WSB1: variants seen among roughly 807,000 people sequenced by gnomAD.
The protein encoded by WSB1 is WD repeat and SOCS box-containing protein 1.
A neutral mutation model predicts 50.2 loss-of-function variants in WSB1; 23 were observed. The ratio of observed to expected loss-of-function variants is 0.46; its 90% CI spans 0.33 to 0.65. The LOEUF (loss-of-function observed/expected upper bound fraction) is 0.65, where lower values mean the gene tolerates loss of function less well. Among genes scored for constraint, WSB1 ranks in the 30% least tolerant of loss-of-function variants. The pLI, the probability that WSB1 is intolerant of heterozygous loss-of-function variation, is 0.02. For synonymous variants in WSB1, 179 were observed against 172.0 expected, an observed-to-expected ratio of 1.04 and a Z score of -0.32; for missense variants, 492 against 522.3, an observed-to-expected ratio of 0.94 and a Z score of 0.56.
chr17:27,301,494 T>G (rs2017227131), intron 1 of WSB1, among the ~76,000 whole-genome samples: 1 of 152,226 alleles, frequency 6.6e-6, no homozygotes, highest in African/African-American at 2.4e-5. Context: ...TTGTAATTGT[T>G]AGGTCTAATT....
At chr17:27,304,143 A>G (rs1384264447) in intron 3 of WSB1, among the ~76,000 whole-genome samples, 14 of 152,230 alleles carry the variant, frequency 9.2e-5, no homozygotes, top group African/African-American at 3.1e-4. Flanking sequence ...ACTCAAAAAC[A>G]TAAAGGATTT....
At chr17:27,300,458 G>A (rs886269496) in intron 1 of WSB1, among the ~76,000 whole-genome samples, 2 of 152,100 alleles carry the variant, frequency 1.3e-5, no homozygotes, top group African/African-American at 2.4e-5. Context: ...GTATGAGCTT[G>A]TTGATCATGC....
chr17:27,301,913 C>T lies in WSB1; in HGVS notation c.166C>T (p.Arg56Cys), dbSNP rs753717020. The T allele has an allele frequency of 9.9e-6, 16 of 1,610,736 alleles. No homozygotes were observed. The highest frequency in any genetic ancestry group is 9.3e-6 in the Non-Finnish European group (11 of 1,178,752). ...ATACTTTGCTTGGTCACAAGGACAT[C>T]GCACAGTAAAGCTTGTTCCGTGGTC... ...GSYFAWSQGH[R>C]TVKLVPWSQC... The change falls in exon 2 of 9, where the codon CGC becomes TGC. Residue 56 changes from arginine (R) to cysteine (C), a missense_variant. Transcript: ENST00000262394.
chr17:27,310,268 TTCC>T, intron 7 of WSB1, 94 bp downstream of exon 7: 1 of 1,086,508 alleles, frequency 9.2e-7, no homozygotes, highest in Non-Finnish European at 1.4e-6. Context: ...TTAATGTCTC[TTCC>T]TCAACACAAG....
In WSB1 at chr17:27,310,191, T is replaced by TA. The variant is rs757333921; in HGVS notation, c.998+18dup. The TA allele has an allele frequency of 2.5e-5, 40 of 1,606,370 alleles. No homozygotes were observed. The highest frequency in any genetic ancestry group is 3.3e-5 in the Non-Finnish European group (39 of 1,173,330). On this transcript the variant is annotated intron_variant, in intron 7 of 8. Transcript: ENST00000262394. Reference sequence around the variant, plus strand: ...TGATGATAAGTAAGTATGTGCATTATAGCTTGACTGACTTACTATTACCTT... The same window carrying TA: ...TGATGATAAGTAAGTATGTGCATTATAAGCTTGACTGACTTACTATTACCTT...
At chr17:27,310,195 TTGACTGACTTACTA>T (rs1440999023) in intron 7 of WSB1, 21 bp downstream of exon 7, 1 of 1,603,240 alleles carries the variant, frequency 6.2e-7, no homozygotes, top group Non-Finnish European at 8.5e-7. Context: ...GCATTATAGC[TTGACTGACTTACTA>T]TTACCTTTTA....
intron 1 of WSB1, among the ~76,000 whole-genome samples, chr17:27,295,504 G>A (rs1453105997): frequency 6.6e-6 from 1 of 151,412 alleles, no homozygotes; most frequent in Non-Finnish European, 1.5e-5. Flanking sequence ...GATTAGGAAG[G>A]GACTTTAACC....
intron 2 of WSB1, 68 bp from the exon 3 acceptor site, chr17:27,303,299 T>G: frequency 6.6e-7 from 1 of 1,503,772 alleles, no homozygotes; most frequent in Non-Finnish European, 9.0e-7. Context: ...ACACTTGTAA[T>G]TATTCAATGT....
intron 5 of WSB1, chr17:27,308,532 T>C (rs2017548034): frequency 1.0e-6 from 1 of 985,712 alleles, no homozygotes; most frequent in Non-Finnish European, 1.2e-6. Context: ...TTAACATCCT[T>C]GTTGTTTGCC....
intron 2 of WSB1, among the ~76,000 whole-genome samples, chr17:27,302,213 C>A (rs1328401254): frequency 1.3e-5 from 2 of 152,014 alleles, no homozygotes; most frequent in Non-Finnish European, 2.9e-5. Context: ...GAGTTTGATA[C>A]CCGCCTGGCC....
intron 7 of WSB1, 28 bp from the exon 8 acceptor site, chr17:27,311,481 G>A: frequency 6.4e-7 from 1 of 1,555,632 alleles, no homozygotes; most frequent in Non-Finnish European, 8.7e-7. Context: ...TTTTCTACAA[G>A]ATACTAAATA....
chr17:27,300,714 C>T (rs778663147), intron 1 of WSB1, among the ~76,000 whole-genome samples: 5 of 146,560 alleles, frequency 3.4e-5, no homozygotes, highest in Non-Finnish European at 7.4e-5. Context: ...TTTTTTATGA[C>T]AGTCTTGCTC....
At chr17:27,303,684 G>C (rs762000125) in intron 3 of WSB1, 49 bp downstream of exon 3, 1 of 1,589,920 alleles carries the variant, frequency 6.3e-7, no homozygotes. Context: ...ATGATGCAGG[G>C]CACTGCTTAT....
rs139390109 is a variant in WSB1 at position 27,301,902 on chromosome 17, C to T, written c.155C>T (p.Ser52Leu). The change falls in exon 2 of 9, where the codon TCA becomes TTA. Residue 52 changes from serine (S) to leucine (L), a missense_variant. Coordinates refer to ENST00000262394, the MANE Select transcript of WSB1 (RefSeq NM_015626.10). ...FAPDGSYFAW[S>L]QGHRTVKLVP... Reference sequence around the variant, plus strand: ...CCAGATGGTTCATACTTTGCTTGGTCACAAGGACATCGCACAGTAAAGCTT... The same window carrying T: ...CCAGATGGTTCATACTTTGCTTGGTTACAAGGACATCGCACAGTAAAGCTT... 1.2e-6 allele frequency: 2 copies of T among 1,612,854 alleles called. No homozygotes were observed. Among genetic ancestry groups the T allele is most frequent in the Non-Finnish European group, 1.7e-6 (2 of 1,179,562 alleles).
At chr17:27,305,806 G>T (rs1164445932) in intron 4 of WSB1, among the ~76,000 whole-genome samples, 1 of 152,190 alleles carries the variant, frequency 6.6e-6, no homozygotes, top group Non-Finnish European at 1.5e-5. Context: ...GCCAACAGTT[G>T]AAATATTTTA....
At chr17:27,296,964 A>G (rs1395029592) in intron 1 of WSB1, among the ~76,000 whole-genome samples, 1 of 152,240 alleles carries the variant, frequency 6.6e-6, no homozygotes, top group Non-Finnish European at 1.5e-5. Context: ...AGGCAATTTG[A>G]TATACCTGTT....
intron 1 of WSB1, among the ~76,000 whole-genome samples, chr17:27,298,447 T>C (rs2150828494): frequency 6.6e-6 from 1 of 152,254 alleles, no homozygotes; most frequent in South Asian, 2.1e-4. Flanking sequence ...GTGTGCCTGA[T>C]GCAGTGGGTC....
rs771405449 is a variant in WSB1 at position 27,301,933 on chromosome 17, G to A, written c.186G>A (p.Pro62=). The A allele has an allele frequency of 1.1e-5, 18 of 1,595,110 alleles. No homozygotes were observed. Among genetic ancestry groups the A allele is most frequent in the South Asian group, 2.3e-5 (2 of 87,862 alleles). The change falls in exon 2 of 9, where the codon CCG becomes CCA. Residue 62 remains proline (P), a synonymous_variant. Transcript: ENST00000262394. ...SQGHRTVKLV[P]WSQCLQNFLL... ...GACATCGCACAGTAAAGCTTGTTCC[G>A]TGGTCCCAGTGCCTTCAGAACTTGT...
Position 27,303,607 on chromosome 17 carries a change from G to A in WSB1, c.450G>A (p.Gly150=), listed in dbSNP as rs150296087. 173 of 1,614,140 alleles carry A rather than the reference G, an allele frequency of 1.1e-4. No individual in the cohort carries two copies. In the African/African-American group the frequency reaches 2.1e-3, roughly 20 times the overall value. ...TTCTTGCTACAGGGTTGAACAATGGGCGTATCAAAATATGGGATGTATATA... is the reference window on the plus strand; with the variant it reads ...TTCTTGCTACAGGGTTGAACAATGGACGTATCAAAATATGGGATGTATATA... ...QLLLATGLNN[G]RIKIWDVYTG... Residue 150 remains glycine (G), a synonymous_variant, in exon 3 of 9, where the codon GGG becomes GGA. Transcript: ENST00000262394.
Sources: allele counts gnomAD v4.1 joint callset (sites outside exome capture counted in the v4.1 genomes callset), GRCh38; gene constraint gnomAD v4.1.1; transcripts MANE v1.5; gene names NCBI Gene and HGNC (gene_info 2026-07-23, HGNC 2026-07-21).